SNX2: variants seen among roughly 807,000 people sequenced by gnomAD.
SNX2 encodes the protein sorting nexin-2.
Under a neutral mutation model 69.9 loss-of-function variants are expected in SNX2, and 25 were observed. That is an observed-to-expected ratio of 0.36 (90% CI 0.26 to 0.50). The LOEUF (loss-of-function observed/expected upper bound fraction) is 0.50. SNX2 is among the 20% of genes least tolerant of loss of function. The pLI is 0.97. For missense variants in SNX2, 551 were observed against 613.3 expected, an observed-to-expected ratio of 0.90 and a Z score of 1.07; for synonymous variants, 229 against 200.4, an observed-to-expected ratio of 1.14 and a Z score of -1.20.
intron 1 of SNX2, among the ~76,000 whole-genome samples, chr5:122,787,314 G>A (rs1476999088): frequency 2.6e-5 from 4 of 152,158 alleles, no homozygotes; most frequent in African/African-American, 9.7e-5. Context: ...GAGGTCAGGA[G>A]TTCGAGACCA....
At chr5:122,819,912 C>G (rs1374310452) in intron 11 of SNX2, among the ~76,000 whole-genome samples, 1 of 152,132 alleles carries the variant, frequency 6.6e-6, no homozygotes, top group African/African-American at 2.4e-5. Flanking sequence ...ACATTTATTA[C>G]TAGAGCATTC....
chr5:122,784,128 T>A (rs1393072626), intron 1 of SNX2, among the ~76,000 whole-genome samples: 2 of 152,018 alleles, frequency 1.3e-5, no homozygotes, highest in East Asian at 1.9e-4. Context: ...TTTAGTAGGT[T>A]TTTGTAGAGT....
chr5:122,802,240 A>G (rs1401689246), intron 5 of SNX2, 116 bp downstream of exon 5: 1 of 899,348 alleles, frequency 1.1e-6, no homozygotes, highest in East Asian at 2.4e-5. Context: ...CCACCTAATA[A>G]AGATTGCCAA....
chr5:122,810,454 C>T (rs1034146709), intron 7 of SNX2, among the ~76,000 whole-genome samples: 4 of 149,164 alleles, frequency 2.7e-5, no homozygotes, highest in African/African-American at 7.4e-5. Context: ...GCCTTGATTT[C>T]GCTTAGTCTT....
chr5:122,820,493 G>A (rs1484692008), intron 11 of SNX2, among the ~76,000 whole-genome samples: 2 of 151,876 alleles, frequency 1.3e-5, no homozygotes, highest in South Asian at 2.1e-4. Context: ...CTGGGATTGC[G>A]CAACTGCACT....
rs1753525523 is a variant in SNX2, at chr5:122,801,944, A to C, written c.457+9A>C. ...AGATCCAGAAAAAGTTGGTGAGTCA[A>C]TACTTATTATATTTTGTATTTACTT... On this transcript the variant is annotated intron_variant, in intron 4 of 14. Coordinates refer to ENST00000379516, the MANE Select transcript of SNX2 (RefSeq NM_003100.4). 6.3e-7 allele frequency: 1 copy of C among 1,585,360 alleles called. No homozygotes were observed. Among genetic ancestry groups the C allele is most frequent in the Non-Finnish European group, 8.6e-7 (1 of 1,157,306 alleles).
intron 1 of SNX2, among the ~76,000 whole-genome samples, chr5:122,789,284 G>C (rs555412294): frequency 6.6e-6 from 1 of 152,148 alleles, no homozygotes; most frequent in African/African-American, 2.4e-5. Flanking sequence ...GAATTGCTGT[G>C]CTGTTTGGCT....
chr5:122,778,659 C>T (rs1329857214), intron 1 of SNX2, among the ~76,000 whole-genome samples: 1 of 152,118 alleles, frequency 6.6e-6, no homozygotes, highest in Non-Finnish European at 1.5e-5. Context: ...CAGGCGTGCA[C>T]CACCATGCCC....
intron 4 of SNX2, 59 bp from the exon 5 acceptor site, chr5:122,802,022 T>G (rs1204520161): frequency 6.5e-7 from 1 of 1,537,970 alleles, no homozygotes; most frequent in East Asian, 2.3e-5. Context: ...AATATAGTAT[T>G]AAATGAGTTT....
intron 1 of SNX2, among the ~76,000 whole-genome samples, chr5:122,782,953 G>T (rs752933371): frequency 3.3e-5 from 5 of 150,158 alleles, no homozygotes; most frequent in African/African-American, 1.2e-4. Context: ...TTTTGTTTTT[G>T]TTGAGATGGA....
Position 122,831,080 on chromosome 5 carries a change from C to G in SNX2, c.*1432C>G, listed in dbSNP as rs1249788707. ...TTTTGTTTTTTAAAAAATATTCTTA[C>G]AAACACCCCTCTTCTTGAGCTTAAC... On this transcript the variant is annotated 3_prime_UTR_variant, in exon 15 of 15. Coordinates refer to ENST00000379516, the MANE Select transcript of SNX2 (RefSeq NM_003100.4). Among the ~76,000 whole-genome samples the G allele has an allele frequency of 7.1e-6, 1 of 141,500 alleles. No homozygotes were observed. Among genetic ancestry groups the G allele is most frequent in the Non-Finnish European group, 1.5e-5 (1 of 65,160 alleles). 92.8% of individuals were successfully genotyped at this position (141,500 alleles called of 152,430 possible).
At chr5:122,802,478 T>C (rs1269313997) in intron 5 of SNX2, among the ~76,000 whole-genome samples, 2 of 152,212 alleles carry the variant, frequency 1.3e-5, no homozygotes, top group Non-Finnish European at 2.9e-5. Context: ...CAAGAAGTGA[T>C]GCATGATTGA....
At chr5:122,802,572 T>TTA (rs140784891) in intron 5 of SNX2, among the ~76,000 whole-genome samples, 97 of 152,296 alleles carry the variant, frequency 6.4e-4, no homozygotes, top group African/African-American at 2.0e-3. Context: ...TGGAGAGCCA[T>TTA]TAAAGAAGTT....
chr5:122,826,513 A>T, intron 12 of SNX2: 1 of 233,204 alleles, frequency 4.3e-6, no homozygotes, highest in Non-Finnish European at 7.0e-6. Flanking sequence ...TTAGAGCTAG[A>T]TCTCTCCCAC....
At chr5:122,796,217 C>G (rs1457063520) in intron 2 of SNX2, among the ~76,000 whole-genome samples, 1 of 152,036 alleles carries the variant, frequency 6.6e-6, no homozygotes, top group Non-Finnish European at 1.5e-5. Flanking sequence ...TGGCACATTA[C>G]CCATCTCACA....
At chr5:122,811,569 C>CA (rs1309133828) in intron 7 of SNX2, among the ~76,000 whole-genome samples, 1 of 152,084 alleles carries the variant, frequency 6.6e-6, no homozygotes, top group Non-Finnish European at 1.5e-5. Flanking sequence ...CGGTGGCTCA[C>CA]ACCTGTAATC....
In SNX2 at chr5:122,826,079, G is replaced by A. The variant is rs1754141577; in HGVS notation, c.1242G>A (p.Trp414Ter). The change falls in exon 12 of 15, where the codon TGG becomes TGA. Residue 414 changes from tryptophan to a stop codon, truncating the protein, a stop_gained. Transcript: ENST00000379516. LOFTEE classifies it high-confidence loss of function. ...KGVFDHRMKCWQKWEDAQITL... is the reference protein window; with the variant it reads ...KGVFDHRMKC ...TGTTTGACCATCGAATGAAGTGCTGGCAGAAATGGGAAGATGCTCAAATTA... is the reference window on the plus strand; with the variant it reads ...TGTTTGACCATCGAATGAAGTGCTGACAGAAATGGGAAGATGCTCAAATTA... 6.2e-7 allele frequency: 1 copy of A among 1,613,022 alleles called. No individual in the cohort carries two copies. Among genetic ancestry groups the A allele is most frequent in the Non-Finnish European group, 8.5e-7 (1 of 1,179,282 alleles).
chr5:122,824,574 G>A (rs911116057), intron 11 of SNX2, among the ~76,000 whole-genome samples: 1 of 152,174 alleles, frequency 6.6e-6, no homozygotes, highest in African/African-American at 2.4e-5. Context: ...AAGGTGCTTT[G>A]ACTGCCAGTT....
Position 122,819,144 on chromosome 5 carries a change from CAAGAT to C in SNX2, c.1212+125_1212+129del, listed in dbSNP as rs1196125200. 6 of 706,614 alleles carry C rather than the reference CAAGAT, an allele frequency of 8.5e-6. No homozygotes were observed. The Admixed American group carries it at 1.7e-4, about 20-fold the overall frequency. 43.8% of individuals were successfully genotyped at this position (706,614 alleles called of 1,614,324 possible). A position where few individuals can be genotyped will look rare whatever the true frequency, so the allele number is the denominator to read the frequency against. On this transcript the variant is annotated intron_variant, in intron 11 of 14. Coordinates refer to ENST00000379516, the MANE Select transcript of SNX2 (RefSeq NM_003100.4). ...TATACTAGCATGAATAAAATGGCTT[CAAGAT>C]AAGTATACATAACTTAATACTTTCT...
Sources: allele counts gnomAD v4.1 joint callset (sites outside exome capture counted in the v4.1 genomes callset), GRCh38; gene constraint gnomAD v4.1.1; transcripts MANE v1.5; gene names NCBI Gene and HGNC (gene_info 2026-07-23, HGNC 2026-07-21).